Variants in CHD9 observed in about 807,000 individuals in gnomAD.
CHD9 encodes the protein ATP-dependent chromatin remodeler CHD9.
Under a neutral mutation model 316.1 loss-of-function variants are expected in CHD9, and 77 were observed. That is an observed-to-expected ratio of 0.24 (90% confidence interval 0.20 to 0.29). The LOEUF is 0.29. Among genes scored for constraint, CHD9 ranks in the 10% least tolerant of loss-of-function variants. CHD9 has a pLI of 1.00. For synonymous variants in CHD9, 1,129 were observed against 1,158.3 expected, an observed-to-expected ratio of 0.97 and a Z score of 0.51; for missense variants, 2,763 against 3,438.1, an observed-to-expected ratio of 0.80 and a Z score of 4.91.
rs149891885 is a variant in CHD9, at chr16:53,084,616, G to A, written c.-165+29539G>A. ...AAATTAGCCGGGCGTGGTGGTAGGCGCCTGTAGTCCCAGCTACTTGGGAGG... is the reference window on the plus strand; with the variant it reads ...AAATTAGCCGGGCGTGGTGGTAGGCACCTGTAGTCCCAGCTACTTGGGAGG... On this transcript the variant is annotated intron_variant, in intron 1 of 38. Transcript: ENST00000447540. 4.4e-3 allele frequency among the ~76,000 whole-genome samples: 669 copies of A among 152,256 alleles called. 3 individuals are homozygous for A. The highest frequency in any genetic ancestry group is 6.5e-3 in the Non-Finnish European group (442 of 68,020).
At chr16:53,133,814 G>A (rs2039516188) in intron 1 of CHD9, among the ~76,000 whole-genome samples, 1 of 152,110 alleles carries the variant, frequency 6.6e-6, no homozygotes, top group South Asian at 2.1e-4. Context: ...TAATGCAACC[G>A]AATGCTTTCT....
chr16:53,148,305 G>A (rs1168407261), intron 1 of CHD9, among the ~76,000 whole-genome samples: 4 of 152,274 alleles, frequency 2.6e-5, no homozygotes, highest in Non-Finnish European at 4.4e-5. Context: ...GTGCAGTGAC[G>A]CAGTCAGCTC....
chr16:53,322,506 C>A (rs1031061265), intron 38 of CHD9, among the ~76,000 whole-genome samples: 12 of 151,278 alleles, frequency 7.9e-5, no homozygotes, highest in African/African-American at 2.9e-4. Flanking sequence ...GCAGGAGAAT[C>A]ACTTGAACCC....
intron 2 of CHD9, among the ~76,000 whole-genome samples, chr16:53,183,733 G>A (rs1468680593): frequency 6.6e-6 from 1 of 151,902 alleles, no homozygotes; most frequent in Non-Finnish European, 1.5e-5. Context: ...AGGCAACATA[G>A]CAAGACCCTG....
chr16:53,217,533 C>T (rs1429948665), intron 3 of CHD9, among the ~76,000 whole-genome samples: 3 of 152,140 alleles, frequency 2.0e-5, no homozygotes, highest in Non-Finnish European at 4.4e-5. Context: ...GGATCACAGG[C>T]GTGAGCCACC....
chr16:53,249,122 A>C (rs2152964226), intron 16 of CHD9, among the ~76,000 whole-genome samples: 1 of 152,230 alleles, frequency 6.6e-6, no homozygotes, highest in African/African-American at 2.4e-5. Context: ...TGTTGTAATA[A>C]ATTTCATGGA....
chr16:53,230,471 G>A (rs2048072972), intron 8 of CHD9, among the ~76,000 whole-genome samples: 1 of 152,052 alleles, frequency 6.6e-6, no homozygotes, highest in Non-Finnish European at 1.5e-5. Context: ...TTTAAAAAAA[G>A]ATGATTCTAA....
rs2054352319 is a variant in CHD9 at position 53,291,671 on chromosome 16, T to TA, written c.5248-53dup. ...GAAGTTTGATTCTCTTTTCTTTTTT[T>TA]ATATATCTCTTGACCCAATTACCCT... On this transcript the variant is annotated intron_variant, in intron 27 of 38. Transcript: ENST00000447540. 3 of 1,187,900 alleles carry TA rather than the reference T, an allele frequency of 2.5e-6. No individual in the cohort carries two copies. In the South Asian group the frequency reaches 4.3e-5, roughly 17 times the overall value. 73.6% of individuals were successfully genotyped at this position (1,187,900 alleles called of 1,614,324 possible). A position where few individuals can be genotyped will look rare whatever the true frequency, so the allele number is the denominator to read the frequency against.
At chr16:53,162,572 T>A (rs894722991) in intron 2 of CHD9, among the ~76,000 whole-genome samples, 1 of 152,164 alleles carries the variant, frequency 6.6e-6, no homozygotes, top group Non-Finnish European at 1.5e-5. Flanking sequence ...AAACATGTTA[T>A]GAGGGATGGC....
chr16:53,128,788 A>G (rs1407489389), intron 1 of CHD9, among the ~76,000 whole-genome samples: 1 of 152,228 alleles, frequency 6.6e-6, no homozygotes, highest in Non-Finnish European at 1.5e-5. Context: ...TTCACTGACC[A>G]GTGAAAATAA....
intron 1 of CHD9, among the ~76,000 whole-genome samples, chr16:53,058,924 T>C (rs1181575763): frequency 6.6e-6 from 1 of 152,162 alleles, no homozygotes; most frequent in African/African-American, 2.4e-5. Context: ...AGTGGTATGA[T>C]CATAGCTACT....
chr16:53,169,563 A>G (rs2042529420), intron 2 of CHD9: 1 of 152,226 alleles, frequency 6.6e-6, no homozygotes, highest in Non-Finnish European at 1.5e-5. Context: ...AGTACCCTTT[A>G]CATATATTCA....
chr16:53,303,275 T>C (rs2055627367), intron 30 of CHD9, among the ~76,000 whole-genome samples: 4 of 150,910 alleles, frequency 2.7e-5, no homozygotes. Flanking sequence ...CCTCTTACAA[T>C]GCAGCCCAGG....
At chr16:53,244,798 A>T (rs1703647424) in intron 13 of CHD9, among the ~76,000 whole-genome samples, 1 of 152,154 alleles carries the variant, frequency 6.6e-6, no homozygotes, top group African/African-American at 2.4e-5. Flanking sequence ...ATTCCTAAAG[A>T]TTTGTGGGTA....
rs1275152934 is a variant in CHD9, at chr16:53,187,355, TA to T, written c.1453-22121del. Among the ~76,000 whole-genome samples the T allele has an allele frequency of 3.3e-5, 5 of 151,692 alleles. No homozygotes were observed. The East Asian group carries it at 7.7e-4, about 24-fold the overall frequency. Reference sequence around the variant, plus strand: ...AAATTGTCTCTACAAAAATAAAAATTAAAAAATTAGCTGGGCATGGTGACAC... The same window carrying T: ...AAATTGTCTCTACAAAAATAAAAATTAAAAATTAGCTGGGCATGGTGACAC... On this transcript the variant is annotated intron_variant, in intron 2 of 38. Transcript: ENST00000447540.
At chr16:53,204,123 CGTGTGT>C (rs59131817) in intron 2 of CHD9, among the ~76,000 whole-genome samples, 39,437 of 141,262 alleles carry the variant, frequency 0.28, 5,520 homozygotes, top group Middle Eastern at 0.33. Flanking sequence ...ATCTAGATAA[CGTGTGT>C]GTGTGTGTGT....
At chr16:53,110,099 C>G (rs1279680389) in intron 1 of CHD9, among the ~76,000 whole-genome samples, 2 of 152,156 alleles carry the variant, frequency 1.3e-5, no homozygotes, top group Non-Finnish European at 2.9e-5. Flanking sequence ...TTTGTCATCC[C>G]CAGCAGTCCC....
Position 53,297,027 on chromosome 16 carries a change from G to A in CHD9, c.5582G>A (p.Arg1861Lys). The change falls in exon 30 of 39, where the codon AGA (arginine) becomes AAA (lysine). Residue 1861 changes from arginine to lysine, a missense_variant. Physicochemically the swap from Arg to Lys is conservative, Grantham distance 26. Around this residue, in one of 15 missense-constraint regions of CHD9, gnomAD observed 183 missense variants for 258.5 expected, o/e 0.71. Transcript: ENST00000447540. ...TTTGGAGTGGTTTTTGACCCTGACA[G>A]AGGCCAATTTGATTGGACAAAATTT... ...STFGVVFDPDRGQFDWTKFRA... is the reference protein window; with the variant it reads ...STFGVVFDPDKGQFDWTKFRA... 6.2e-7 allele frequency: 1 copy of A among 1,613,636 alleles called. No individual in the cohort carries two copies. The highest frequency in any genetic ancestry group is 8.5e-7 in the Non-Finnish European group (1 of 1,179,726).
intron 1 of CHD9, among the ~76,000 whole-genome samples, chr16:53,139,451 T>C (rs1370442960): frequency 6.6e-6 from 1 of 152,142 alleles, no homozygotes; most frequent in Non-Finnish European, 1.5e-5. Flanking sequence ...GGACTGGCAA[T>C]AAAATTACAG....
Sources: gnomAD v4.1 joint callset for allele counts (sites outside exome capture counted in the v4.1 genomes callset) on GRCh38, gnomAD v4.1.1 for gene constraint, gnomAD v4.1.1 regional missense constraint, MANE v1.5 for transcripts, NCBI Gene and HGNC (gene_info 2026-07-23, HGNC 2026-07-21) for gene names.